The following NKAIN3 variants were observed in gnomAD, a reference collection of about 807,000 sequenced individuals.
NKAIN3 encodes sodium/potassium-transporting ATPase subunit beta-1-interacting protein 3.
A neutral mutation model predicts 30.2 loss-of-function variants in NKAIN3; 25 were observed. That is an observed-to-expected ratio of 0.83 (90% CI 0.60 to 1.16). NKAIN3 has a LOEUF of 1.16. Among genes scored for constraint, NKAIN3 ranks in the 50% most tolerant of loss-of-function variants. NKAIN3 has a pLI of 0.00. For synonymous variants in NKAIN3, 91 were observed against 89.6 expected (o/e 1.02, Z -0.09); for missense variants, 225 against 254.1 (o/e 0.89, Z 0.78).
chr8:62,814,877 A>C (rs893079091), intron 4 of NKAIN3, among the ~76,000 whole-genome samples: 2 of 152,126 alleles, frequency 1.3e-5, no homozygotes, highest in African/African-American at 4.8e-5. Flanking sequence ...GAAATAACTA[A>C]AATCAGAGCA....
intron 1 of NKAIN3, among the ~76,000 whole-genome samples, chr8:62,555,183 A>G (rs1279262247): frequency 6.6e-6 from 1 of 152,142 alleles, no homozygotes; most frequent in Non-Finnish European, 1.5e-5. Flanking sequence ...ACTCCCAAAG[A>G]TAAAATTTCA....
chr8:62,706,926 C>T (rs188269744), intron 3 of NKAIN3, among the ~76,000 whole-genome samples: 14 of 152,116 alleles, frequency 9.2e-5, no homozygotes, highest in African/African-American at 2.9e-4. Flanking sequence ...TCAGTGAGAA[C>T]GTACGACATT....
chr8:62,554,358 C>T lies in NKAIN3; in HGVS notation c.55-25181C>T, dbSNP rs556670898. Reference sequence around the variant, plus strand: ...AGAAGAGACAAATCCTAAAGGAATACTCAAGCTAGGAGTCTAATAGAAGAA... The same window carrying T: ...AGAAGAGACAAATCCTAAAGGAATATTCAAGCTAGGAGTCTAATAGAAGAA... On this transcript the variant is annotated intron_variant, in intron 1 of 6. Transcript: ENST00000623646. Among the ~76,000 whole-genome samples, 57 of 152,234 alleles carry T rather than the reference C, an allele frequency of 3.7e-4. 1 individual carries two copies. Among genetic ancestry groups the T allele is most frequent in the Middle Eastern group, 3.4e-3 (1 of 294 alleles).
intron 4 of NKAIN3, among the ~76,000 whole-genome samples, chr8:62,829,917 AAG>A (rs1475569371): frequency 6.6e-6 from 1 of 152,208 alleles, no homozygotes; most frequent in Non-Finnish European, 1.5e-5. Flanking sequence ...GAAAGAGAGA[AAG>A]AGAGAAAAGG....
intron 1 of NKAIN3, among the ~76,000 whole-genome samples, chr8:62,427,114 G>A (rs1206494823): frequency 7.2e-5 from 11 of 152,074 alleles, no homozygotes; most frequent in Admixed American, 7.2e-4. Context: ...TCTCAATCCA[G>A]AGAAAGCTAC....
At chr8:62,432,603 C>A (rs1805046455) in intron 1 of NKAIN3, among the ~76,000 whole-genome samples, 1 of 151,988 alleles carries the variant, frequency 6.6e-6, no homozygotes, top group Non-Finnish European at 1.5e-5. Flanking sequence ...CTTTCCTGAG[C>A]CTGTATCAGG....
intron 3 of NKAIN3, among the ~76,000 whole-genome samples, chr8:62,728,675 AAAAACAAAAC>A (rs1266317482): frequency 2.0e-5 from 3 of 151,034 alleles, no homozygotes; most frequent in South Asian, 2.1e-4. Context: ...CAAAAAACAA[AAAAACAAAAC>A]AAAACAAAAC....
rs149887637 is a variant in NKAIN3 at position 62,307,565 on chromosome 8, A to G, written c.54+58438A>G. On this transcript the variant is annotated intron_variant, in intron 1 of 6. Coordinates refer to ENST00000623646, the MANE Select transcript of NKAIN3 (RefSeq NM_001304533.3). ...ACACAAATCTGCAGCAAGTTGAAATATTTTTCATCTGTGGCATGAATTCAG... is the reference window on the plus strand; with the variant it reads ...ACACAAATCTGCAGCAAGTTGAAATGTTTTTCATCTGTGGCATGAATTCAG... Among the ~76,000 whole-genome samples, 107 of 150,430 alleles carry G rather than the reference A, an allele frequency of 7.1e-4. 1 individual carries two copies. The East Asian group carries it at 0.019, about 27-fold the overall frequency.
chr8:62,390,023 T>C (rs1464851686), intron 1 of NKAIN3, among the ~76,000 whole-genome samples: 1 of 152,124 alleles, frequency 6.6e-6, no homozygotes, highest in Non-Finnish European at 1.5e-5. Flanking sequence ...TTTTCTTTCT[T>C]TTTTTTAAAT....
At chr8:62,414,450 G>T (rs543938353) in intron 1 of NKAIN3, among the ~76,000 whole-genome samples, 1 of 152,320 alleles carries the variant, frequency 6.6e-6, no homozygotes, top group African/African-American at 2.4e-5. Context: ...CTTTGTTTTA[G>T]TGTATAATCA....
chr8:62,634,439 C>T (rs930182128), intron 3 of NKAIN3, among the ~76,000 whole-genome samples: 1 of 152,188 alleles, frequency 6.6e-6, no homozygotes, highest in Non-Finnish European at 1.5e-5. Context: ...GACCTCCCTT[C>T]TCCACAGCTG....
At chr8:62,321,037 TA>T (rs1289525618) in intron 1 of NKAIN3, among the ~76,000 whole-genome samples, 2 of 152,192 alleles carry the variant, frequency 1.3e-5, no homozygotes, top group Non-Finnish European at 2.9e-5. Context: ...CATTTCTTTT[TA>T]TTCTTTTTTC....
intron 1 of NKAIN3, among the ~76,000 whole-genome samples, chr8:62,493,916 G>A (rs192322987): frequency 5.3e-5 from 8 of 152,208 alleles, no homozygotes; most frequent in Non-Finnish European, 8.8e-5. Context: ...AGATGAAGGA[G>A]CTTTTGGGTC....
intron 3 of NKAIN3, among the ~76,000 whole-genome samples, chr8:62,678,901 G>A (rs1157931780): frequency 6.6e-6 from 1 of 152,002 alleles, no homozygotes; most frequent in Non-Finnish European, 1.5e-5. Flanking sequence ...TGTATCTAGT[G>A]AATAAGGCTG....
intron 1 of NKAIN3, among the ~76,000 whole-genome samples, chr8:62,350,999 G>A (rs1816162399): frequency 2.0e-5 from 3 of 151,624 alleles, no homozygotes; most frequent in Admixed American, 2.0e-4. Context: ...CGAGTAATGA[G>A]CTTTTCACCA....
intron 1 of NKAIN3, among the ~76,000 whole-genome samples, chr8:62,578,066 A>G (rs540621006): frequency 1.3e-5 from 2 of 152,268 alleles, no homozygotes; most frequent in South Asian, 4.1e-4. Flanking sequence ...TTCCAGTGCC[A>G]TCAGTATGGC....
intron 1 of NKAIN3, among the ~76,000 whole-genome samples, chr8:62,376,345 GC>G (rs1817084341): frequency 6.6e-6 from 1 of 152,164 alleles, no homozygotes; most frequent in Non-Finnish European, 1.5e-5. Context: ...TTCTTTCCTT[GC>G]CTTAATCTTG....
At chr8:62,526,781 A>C (rs1166726896) in intron 1 of NKAIN3, among the ~76,000 whole-genome samples, 1 of 152,124 alleles carries the variant, frequency 6.6e-6, no homozygotes, top group African/African-American at 2.4e-5. Flanking sequence ...TGGGTGGAGC[A>C]CTGTCCCCTG....
In NKAIN3 at chr8:62,455,894, T is replaced by C. The variant is rs116977719; in HGVS notation, c.55-123645T>C. On this transcript the variant is annotated intron_variant, in intron 1 of 6. Coordinates refer to ENST00000623646, the MANE Select transcript of NKAIN3 (RefSeq NM_001304533.3). ...GGGGGATATGTTCCAAGTCCCCCAG[T>C]GGATACATGAAACCACAGATAGTAC... Among the ~76,000 whole-genome samples the C allele has an allele frequency of 9.3e-3, 1,418 of 152,312 alleles. 17 individuals are homozygous for C. Among genetic ancestry groups the C allele is most frequent in the Non-Finnish European group, 0.014 (978 of 68,020 alleles).
Sources: allele counts gnomAD v4.1 joint callset (sites outside exome capture counted in the v4.1 genomes callset), GRCh38; gene constraint gnomAD v4.1.1; transcripts MANE v1.5; gene names NCBI Gene and HGNC (gene_info 2026-07-23, HGNC 2026-07-21).